Variants in COL24A1 observed in about 807,000 individuals in gnomAD.
COL24A1 encodes the protein collagen alpha-1(XXIV) chain.
In COL24A1, 224 loss-of-function variants were observed where a neutral mutation model predicts 253.9. The ratio of observed to expected loss-of-function variants is 0.88; its 90% CI spans 0.79 to 0.99. COL24A1 has a LOEUF of 0.99. Among genes scored for constraint, COL24A1 ranks in the 50% least tolerant of loss-of-function variants. COL24A1 has a pLI of 0.00. For missense variants in COL24A1, 2,131 were observed against 2,068.5 expected (o/e 1.03, Z -0.59); for synonymous variants, 685 against 673.7 (o/e 1.02, Z -0.26).
intron 43 of COL24A1, among the ~76,000 whole-genome samples, chr1:85,837,493 GATTA>G (rs1260128277): frequency 1.3e-5 from 2 of 152,122 alleles, no homozygotes; most frequent in Non-Finnish European, 1.5e-5. Context: ...AGATGTATCA[GATTA>G]ATTAACCCAT....
At chr1:86,037,283 C>T (rs1430579950) in intron 12 of COL24A1, among the ~76,000 whole-genome samples, 1 of 152,134 alleles carries the variant, frequency 6.6e-6, no homozygotes, top group Non-Finnish European at 1.5e-5. Context: ...TAGCTAGCAC[C>T]TATGACTTGC....
chr1:86,156,498 T>C lies in COL24A1; in HGVS notation c.-102A>G. 9.3e-7 allele frequency: 1 copy of C among 1,076,198 alleles called. No individual in the cohort carries two copies. Among genetic ancestry groups the C allele is most frequent in the Non-Finnish European group, 1.3e-6 (1 of 770,804 alleles). 66.7% of individuals were successfully genotyped at this position (1,076,198 alleles called of 1,614,324 possible). A position where few individuals can be genotyped will look rare whatever the true frequency, so the allele number is the denominator to read the frequency against. ...TGTCCATGAAAAAGGGAAAAAACAATCACATGAAAACCATGCTTCAAACCC... is the reference window on the plus strand; with the variant it reads ...TGTCCATGAAAAAGGGAAAAAACAACCACATGAAAACCATGCTTCAAACCC... On this transcript the variant is annotated 5_prime_UTR_variant, in exon 1 of 60. It removes the in-frame stop codon of an upstream open reading frame in the 5' UTR. Transcript: ENST00000370571.
At chr1:85,880,327 T>C (rs1399848713) in intron 32 of COL24A1, among the ~76,000 whole-genome samples, 1 of 152,216 alleles carries the variant, frequency 6.6e-6, no homozygotes, top group Non-Finnish European at 1.5e-5. Context: ...TTGCTGTTAA[T>C]ATAGAAAAGC....
intron 39 of COL24A1, 27 bp from the exon 40 acceptor site, chr1:85,842,420 G>C (rs1224190704): frequency 2.1e-6 from 3 of 1,439,386 alleles, no homozygotes; most frequent in Non-Finnish European, 2.9e-6. Flanking sequence ...ATATTAGTGA[G>C]AGAGAGAAAG....
In COL24A1 at chr1:86,119,897, C is replaced by T. The variant is rs529751436; in HGVS notation, c.1492-4519G>A. On this transcript the variant is annotated intron_variant, in intron 3 of 59. Coordinates refer to ENST00000370571, the MANE Select transcript of COL24A1 (RefSeq NM_152890.7). Reference sequence around the variant, plus strand: ...CGCTACCTGACTTCAAACTATACTACAAGGCTACAGTAACCAAAACAGCAT... The same window carrying T: ...CGCTACCTGACTTCAAACTATACTATAAGGCTACAGTAACCAAAACAGCAT... 4.6e-5 allele frequency among the ~76,000 whole-genome samples: 7 copies of T among 152,234 alleles called. No individual in the cohort carries two copies. In the East Asian group the frequency reaches 1.2e-3, roughly 25 times the overall value.
At chr1:86,115,252 A>T in intron 4 of COL24A1, 73 bp downstream of exon 4, 1 of 1,482,518 alleles carries the variant, frequency 6.7e-7, no homozygotes, top group Non-Finnish European at 9.4e-7. Context: ...TACATACTGT[A>T]CAATACTAGA....
chr1:85,917,897 G>A (rs948586357), intron 24 of COL24A1, among the ~76,000 whole-genome samples: 49 of 152,060 alleles, frequency 3.2e-4, no homozygotes, highest in African/African-American at 1.1e-3. Flanking sequence ...TAGTAGAGAC[G>A]GGGTTCCACC....
chr1:85,821,618 T>C (rs944549456), intron 45 of COL24A1, among the ~76,000 whole-genome samples: 1 of 152,246 alleles, frequency 6.6e-6, no homozygotes, highest in Non-Finnish European at 1.5e-5. Context: ...CAATTAATAC[T>C]ATTTTAAATT....
intron 43 of COL24A1, among the ~76,000 whole-genome samples, chr1:85,829,837 A>C (rs1288685680): frequency 6.6e-6 from 1 of 151,900 alleles, no homozygotes; most frequent in Admixed American, 6.6e-5. Flanking sequence ...AATTTTTTTC[A>C]AAGTTTTCAA....
At position 85,744,742 on chromosome 1, in the gene COL24A1, C is replaced by A; in HGVS notation, c.4596G>T (p.Lys1532Asn). The A allele has an allele frequency of 6.2e-7, 1 of 1,606,942 alleles. No homozygotes were observed. The highest frequency in any genetic ancestry group is 1.4e-5 in the African/African-American group (1 of 72,728). ...NYLSNLLHSIKNPLGTRDNPA... is the reference protein window; with the variant it reads ...NYLSNLLHSINNPLGTRDNPA... The stretch of plus-strand genomic sequence containing the variant: ...GGTTATCTCGTGTGCCAAGAGGATT[C>A]TTGATGCTGTGCAATAAATTGCTAA... The change falls in exon 57 of 60, where the codon AAG becomes AAT. Residue 1532 changes from lysine (K) to asparagine (N), a missense_variant. By Grantham distance (94) the Lys-to-Asn change is moderately conservative. Coordinates refer to ENST00000370571, the MANE Select transcript of COL24A1 (RefSeq NM_152890.7).
chr1:86,004,259 T>A (rs1695718536), intron 19 of COL24A1, among the ~76,000 whole-genome samples: 1 of 152,186 alleles, frequency 6.6e-6, no homozygotes, highest in South Asian at 2.1e-4. Flanking sequence ...TTTATTTGGG[T>A]AAGAGTTTGC....
At chr1:85,970,342 C>G in intron 21 of COL24A1, 71 bp from the exon 22 acceptor site, 1 of 1,329,594 alleles carries the variant, frequency 7.5e-7, no homozygotes, top group Non-Finnish European at 1.0e-6. Flanking sequence ...CTCTTATTTT[C>G]TCTATTTATT....
intron 27 of COL24A1, among the ~76,000 whole-genome samples, chr1:85,907,673 G>T (rs1684970532): frequency 6.6e-6 from 1 of 151,700 alleles, no homozygotes; most frequent in Non-Finnish European, 1.5e-5. Flanking sequence ...CATAAAAATA[G>T]TTTTTTTGTT....
intron 50 of COL24A1, 107 bp from the exon 51 acceptor site, chr1:85,783,665 A>G (rs1357391230): frequency 6.9e-6 from 7 of 1,010,090 alleles, no homozygotes; most frequent in Non-Finnish European, 1.1e-5. Context: ...ATGGAATATA[A>G]TACTGTTGTG....
intron 59 of COL24A1, among the ~76,000 whole-genome samples, chr1:85,734,460 C>T (rs1220593410): frequency 6.6e-6 from 1 of 152,112 alleles, no homozygotes; most frequent in East Asian, 1.9e-4. Flanking sequence ...TCCATCCATC[C>T]ATCCTGGTAT....
At chr1:85,870,182 C>A (rs1680292123) in intron 35 of COL24A1, among the ~76,000 whole-genome samples, 1 of 152,146 alleles carries the variant, frequency 6.6e-6, no homozygotes, top group African/African-American at 2.4e-5. Context: ...TACAGGAGCA[C>A]CCAGATTCAT....
chr1:85,830,422 G>T (rs1675064596), intron 43 of COL24A1, among the ~76,000 whole-genome samples: 1 of 152,136 alleles, frequency 6.6e-6, no homozygotes, highest in Admixed American at 6.6e-5. Context: ...GAGGCAGGCA[G>T]GCCTCCTTGA....
chr1:86,074,510 A>G (rs1456169841), intron 7 of COL24A1, among the ~76,000 whole-genome samples: 1 of 152,182 alleles, frequency 6.6e-6, no homozygotes, highest in Admixed American at 6.5e-5. Flanking sequence ...TAATAGTGGG[A>G]GACTTTAACA....
At chr1:85,974,729 T>C (rs1239572645) in intron 20 of COL24A1, among the ~76,000 whole-genome samples, 1 of 152,162 alleles carries the variant, frequency 6.6e-6, no homozygotes, top group Non-Finnish European at 1.5e-5. Context: ...CACATATGTT[T>C]CATATTTATC....
Sources: allele counts gnomAD v4.1 joint callset (sites outside exome capture counted in the v4.1 genomes callset), GRCh38; gene constraint gnomAD v4.1.1; transcripts MANE v1.5; gene names NCBI Gene and HGNC (gene_info 2026-07-23, HGNC 2026-07-21).